CPAP: variants seen among roughly 807,000 people sequenced by gnomAD.
The protein encoded by CPAP is centrosomal P4.1-associated protein.
the CPAP span, among the ~76,000 whole-genome samples, chr13:24,923,564 A>G: frequency 1.3e-5 from 2 of 152,200 alleles, no homozygotes. Flanking sequence ...CCTTTAATCT[A>G]GGAAGTTACA....
the CPAP span, among the ~76,000 whole-genome samples, chr13:24,916,741 CCA>C: frequency 6.6e-6 from 1 of 152,108 alleles, no homozygotes; most frequent in Non-Finnish European, 1.5e-5. Context: ...GCATTTTGTC[CCA>C]CAGTTATACT....
the CPAP span, among the ~76,000 whole-genome samples, chr13:24,924,324 C>A: frequency 1.6e-5 from 1 of 62,334 alleles, no homozygotes. Flanking sequence ...AGGATAGTCG[C>A]AATATCCTCT....
the CPAP span, chr13:24,889,545 A>G: frequency 6.1e-6 from 4 of 655,698 alleles, no homozygotes; most frequent in Non-Finnish European, 1.1e-5. Flanking sequence ...AGGCCAAAGC[A>G]AACAAGCTGT....
the CPAP span, among the ~76,000 whole-genome samples, chr13:24,904,450 T>C: frequency 2.0e-5 from 3 of 152,252 alleles, no homozygotes; most frequent in Middle Eastern, 3.4e-3. Context: ...TAAATGCAAA[T>C]TGTTTTCCCT....
At chr13:24,922,531 CG>C in the CPAP span, among the ~76,000 whole-genome samples, 1 of 152,232 alleles carries the variant, frequency 6.6e-6, no homozygotes, top group Non-Finnish European at 1.5e-5. Flanking sequence ...CCAGAGAGGC[CG>C]GCTTCCCCAG....
chr13:24,927,003 A>G, the CPAP span, among the ~76,000 whole-genome samples: 98,220 of 151,996 alleles, frequency 0.65, 32,417 homozygotes, highest in African/African-American at 0.79. Context: ...TGAATGACAA[A>G]CCAACCAGAA....
the CPAP span, chr13:24,904,025 T>A: frequency 3.7e-6 from 6 of 1,613,958 alleles, no homozygotes; most frequent in African/African-American, 8.0e-5. Flanking sequence ...TTCAATAATT[T>A]TCTCTCTCAA....
the CPAP span, among the ~76,000 whole-genome samples, chr13:24,923,516 G>C: frequency 6.6e-6 from 1 of 152,154 alleles, no homozygotes; most frequent in South Asian, 2.1e-4. Context: ...CAGAATTCAA[G>C]AAATTTTTTT....
At chr13:24,919,205 A>C in the CPAP span, among the ~76,000 whole-genome samples, 1 of 152,236 alleles carries the variant, frequency 6.6e-6, no homozygotes, top group Non-Finnish European at 1.5e-5. Flanking sequence ...TTTTCAACGA[A>C]GTGACCAAAC....
the CPAP span, among the ~76,000 whole-genome samples, chr13:24,914,486 A>G: frequency 6.6e-6 from 1 of 152,156 alleles, no homozygotes; most frequent in African/African-American, 2.4e-5. Context: ...GTCCATCATC[A>G]GCAAAATCCC....
chr13:24,912,048 T>G, the CPAP span: 32 of 1,613,710 alleles, frequency 2.0e-5, no homozygotes, highest in Middle Eastern at 1.6e-4. Context: ...TGTTCCTGCT[T>G]CTTCTGTTGT....
the CPAP span, chr13:24,906,366 G>A: frequency 6.2e-7 from 1 of 1,612,180 alleles, no homozygotes; most frequent in Non-Finnish European, 8.5e-7. Flanking sequence ...AACTTTTTCT[G>A]AAGAGAAACG....
chr13:24,919,695 C>T, the CPAP span, among the ~76,000 whole-genome samples: 1 of 152,200 alleles, frequency 6.6e-6, no homozygotes, highest in African/African-American at 2.4e-5. Context: ...GCTGGGATTA[C>T]AGGCGTGAGC....
At chr13:24,927,577 C>T in the CPAP span, among the ~76,000 whole-genome samples, 1 of 152,180 alleles carries the variant, frequency 6.6e-6, no homozygotes, top group Admixed American at 6.5e-5. Context: ...ATACTATTCT[C>T]CTTGCAAAAC....
chr13:24,907,976 G>A, the CPAP span: 1 of 1,285,152 alleles, frequency 7.8e-7, no homozygotes, highest in South Asian at 1.2e-5. Flanking sequence ...GCTAGCTATT[G>A]TACTAAATAG....
the CPAP span, chr13:24,906,096 CCTT>C: frequency 1.2e-6 from 2 of 1,612,768 alleles, no homozygotes; most frequent in South Asian, 1.1e-5. Context: ...CACTCACTCT[CCTT>C]CTCACGTGCA....
chr13:24,932,973 G>C, the CPAP span: 2 of 1,465,500 alleles, frequency 1.4e-6, no homozygotes, highest in Non-Finnish European at 9.6e-7. Flanking sequence ...TGACTTAAGA[G>C]AGGGTCCTTA....
the CPAP span, chr13:24,899,573 G>A: frequency 1.2e-6 from 2 of 1,613,218 alleles, no homozygotes; most frequent in Admixed American, 1.7e-5. Flanking sequence ...TTCGAAGTCT[G>A]CAATTTCTTT....
At chr13:24,923,270 G>A in the CPAP span, among the ~76,000 whole-genome samples, 5 of 151,840 alleles carry the variant, frequency 3.3e-5, no homozygotes, top group South Asian at 1.0e-3. Flanking sequence ...TTTGCGTACG[G>A]TCTATTTTGT....
Sources: allele counts gnomAD v4.1 joint callset (sites outside exome capture counted in the v4.1 genomes callset), GRCh38; gene constraint gnomAD v4.1.1; transcripts MANE v1.5; gene names NCBI Gene and HGNC (gene_info 2026-07-23, HGNC 2026-07-21).